The following NBEAL1 variants were observed in gnomAD, a reference collection of about 807,000 sequenced individuals.
NBEAL1 encodes neurobeachin-like protein 1.
NBEAL1 carries 273 observed loss-of-function variants against 351.3 expected under a neutral mutation model. The ratio of observed to expected loss-of-function variants is 0.78; its 90% CI spans 0.70 to 0.86. The LOEUF is 0.86. NBEAL1 is among the 40% of genes least tolerant of loss of function. The probability of loss-of-function intolerance (pLI) is 0.00; values close to 1 mark genes in which losing one functional copy is unlikely to be tolerated. For missense variants in NBEAL1, 2,961 were observed against 3,201.3 expected (o/e 0.92, Z 1.81); for synonymous variants, 1,050 against 1,086.4 (o/e 0.97, Z 0.66).
intron 36 of NBEAL1, among the ~76,000 whole-genome samples, chr2:203,159,592 G>A (rs533677818): frequency 3.9e-5 from 6 of 151,998 alleles, no homozygotes; most frequent in Non-Finnish European, 7.4e-5. Context: ...ACCATTTATG[G>A]TTATCCAGAA....
chr2:203,214,635 T>A (rs1452659782), intron 55 of NBEAL1, among the ~76,000 whole-genome samples: 1 of 151,736 alleles, frequency 6.6e-6, no homozygotes, highest in Non-Finnish European at 1.5e-5. Flanking sequence ...ATTAGCCGGG[T>A]GTGGTGGCAT....
intron 38 of NBEAL1, 38 bp downstream of exon 38, chr2:203,167,398 C>A: frequency 6.5e-7 from 1 of 1,548,744 alleles, no homozygotes. Context: ...AAAATGCTAG[C>A]TTTAAATACG....
chr2:203,095,367 T>C (rs2062160170), intron 10 of NBEAL1, among the ~76,000 whole-genome samples: 1 of 151,620 alleles, frequency 6.6e-6, no homozygotes, highest in African/African-American at 2.4e-5. Flanking sequence ...CGATCTCGGC[T>C]CACCGCAACC....
At chr2:203,043,191 A>C (rs2061170655) in intron 3 of NBEAL1, among the ~76,000 whole-genome samples, 1 of 152,212 alleles carries the variant, frequency 6.6e-6, no homozygotes, top group Non-Finnish European at 1.5e-5. Flanking sequence ...GATTTTTAGA[A>C]ACTAGATTTA....
Position 203,190,562 on chromosome 2 carries a change from T to G in NBEAL1, c.6921+173T>G, listed in dbSNP as rs1464522745. On this transcript the variant is annotated intron_variant, in intron 46 of 55. Transcript: ENST00000683969. ...TTTCCAAGAGGAAAAACTGAGTACC[T>G]ATTAGGGTATGCCATTAAAACTGTC... 7.3e-6 allele frequency: 5 copies of G among 682,594 alleles called. No homozygotes were observed. In the South Asian group the frequency reaches 9.5e-5, roughly 13 times the overall value. The allele number at this position is 682,594 out of a possible 1,614,324, so 42.3% of individuals were successfully genotyped here. A position where few individuals can be genotyped will look rare whatever the true frequency, so the allele number is the denominator to read the frequency against.
At chr2:203,093,572 T>C (rs1419891697) in intron 10 of NBEAL1, among the ~76,000 whole-genome samples, 1 of 152,150 alleles carries the variant, frequency 6.6e-6, no homozygotes, top group Non-Finnish European at 1.5e-5. Flanking sequence ...GAAAACTAGC[T>C]GGGCATGGTG....
Position 203,202,392 on chromosome 2 carries a change from G to A in NBEAL1, c.7412-295G>A, listed in dbSNP as rs1206570569. Among the ~76,000 whole-genome samples, 6 of 152,050 alleles carry A rather than the reference G, an allele frequency of 3.9e-5. No individual in the cohort carries two copies. The East Asian group carries it at 9.6e-4, about 24-fold the overall frequency. ...AAAGTAGCATATGAAAATTAACTGG[G>A]GATCTATCTCAAACTATCTAACCTC... On this transcript the variant is annotated intron_variant, in intron 50 of 55. Transcript: ENST00000683969.
At position 203,169,822 on chromosome 2, in the gene NBEAL1, G is replaced by T; in HGVS notation, c.6073G>T (p.Glu2025Ter). The change falls in exon 39 of 56, where the codon GAG (glutamate) becomes TAG (stop). Residue 2025 changes from glutamate (E) to a stop codon, truncating the protein, a stop_gained. Coordinates refer to ENST00000683969, the MANE Select transcript of NBEAL1 (RefSeq NM_001378026.1). LOFTEE classifies it high-confidence loss of function. ...TTATTATGGAAGCAGATCACCACAG[G>T]AGTTATTCAAAGCATCAGGATTGAC... Reference protein sequence around the residue: ...NSYYGSRSPQELFKASGLTQK... With the variant: ...NSYYGSRSPQ 25 of 1,608,200 alleles carry T rather than the reference G, an allele frequency of 1.6e-5. No individual in the cohort carries two copies. The highest frequency in any genetic ancestry group is 2.1e-5 in the Non-Finnish European group (25 of 1,176,562).
intron 41 of NBEAL1, among the ~76,000 whole-genome samples, chr2:203,173,602 A>C (rs144320072): frequency 2.0e-5 from 3 of 151,756 alleles, no homozygotes; most frequent in African/African-American, 7.3e-5. Context: ...ATTTGATTTG[A>C]CTTGATTTAC....
chr2:203,087,867 C>G (rs1194909055), intron 10 of NBEAL1, among the ~76,000 whole-genome samples: 2 of 152,130 alleles, frequency 1.3e-5, no homozygotes, highest in Non-Finnish European at 2.9e-5. Flanking sequence ...AGGTATTTGG[C>G]ACACAGTAGA....
intron 51 of NBEAL1, among the ~76,000 whole-genome samples, chr2:203,205,279 G>T (rs1388400965): frequency 1.3e-5 from 2 of 151,982 alleles, no homozygotes; most frequent in Non-Finnish European, 2.9e-5. Context: ...GTCTCTTTTA[G>T]TATCTCCCTC....
intron 43 of NBEAL1, chr2:203,181,516 T>C (rs1228547458): frequency 6.6e-6 from 1 of 152,180 alleles, no homozygotes; most frequent in Admixed American, 6.5e-5. Context: ...CCTTTTTCTG[T>C]GAGGTAGTTT....
intron 28 of NBEAL1, 30 bp downstream of exon 28, chr2:203,136,282 T>C (rs2106313793): frequency 6.9e-7 from 1 of 1,452,840 alleles, no homozygotes; most frequent in South Asian, 1.3e-5. Context: ...CAAATGTTGT[T>C]TTTATTTTCA....
At chr2:203,156,034 G>A (rs1033469726) in intron 35 of NBEAL1, among the ~76,000 whole-genome samples, 3 of 152,076 alleles carry the variant, frequency 2.0e-5, no homozygotes, top group Admixed American at 6.6e-5. Flanking sequence ...CACAGTCTCC[G>A]TATGACATTT....
At chr2:203,200,549 C>G (rs2065368269) in intron 49 of NBEAL1, among the ~76,000 whole-genome samples, 1 of 149,730 alleles carries the variant, frequency 6.7e-6, no homozygotes, top group African/African-American at 2.5e-5. Flanking sequence ...CAAAAATTAG[C>G]CAGGCATGGT....
At chr2:203,049,114 C>G (rs1296745674) in intron 3 of NBEAL1, among the ~76,000 whole-genome samples, 2 of 152,068 alleles carry the variant, frequency 1.3e-5, no homozygotes, top group Non-Finnish European at 2.9e-5. Flanking sequence ...TCAAGCGATT[C>G]TTCTGCCTCA....
At chr2:203,208,340 G>A (rs952980978) in intron 51 of NBEAL1, among the ~76,000 whole-genome samples, 3 of 152,050 alleles carry the variant, frequency 2.0e-5, no homozygotes, top group Non-Finnish European at 4.4e-5. Context: ...TTGAAGTTAA[G>A]GAATAATAAA....
At position 203,221,317 on chromosome 2, in the gene NBEAL1, T is replaced by G. The variant is rs1250090098; in HGVS notation, c.*3963T>G. Among the ~76,000 whole-genome samples, 2 of 151,536 alleles carry G rather than the reference T, an allele frequency of 1.3e-5. No homozygotes were observed. The highest frequency in any genetic ancestry group is 2.9e-5 in the Non-Finnish European group (2 of 67,862). The stretch of plus-strand genomic sequence containing the variant: ...TTTATAAAATGAGTAGCATTATCTT[T>G]ACCACCTTTCCACTGAAAAGATGCA... On this transcript the variant is annotated 3_prime_UTR_variant, in exon 56 of 56. Coordinates refer to ENST00000683969, the MANE Select transcript of NBEAL1 (RefSeq NM_001378026.1).
At chr2:203,043,260 T>G (rs1281954090) in intron 3 of NBEAL1, among the ~76,000 whole-genome samples, 1 of 152,156 alleles carries the variant, frequency 6.6e-6, no homozygotes, top group Admixed American at 6.6e-5. Context: ...AGTACAAATC[T>G]TTCATTTTTC....
Sources: gnomAD v4.1 joint callset for allele counts (sites outside exome capture counted in the v4.1 genomes callset) on GRCh38, gnomAD v4.1.1 for gene constraint, MANE v1.5 for transcripts, NCBI Gene and HGNC (gene_info 2026-07-23, HGNC 2026-07-21) for gene names.